Variants in SLC67A1 observed in about 807,000 individuals in gnomAD.
The protein encoded by SLC67A1 is solute carrier family 67 member 1.
the SLC67A1 span, chr11:2,922,444 G>A: frequency 1.9e-6 from 3 of 1,611,206 alleles, no homozygotes; most frequent in Non-Finnish European, 2.5e-6. Flanking sequence ...AGGCCTGGAT[G>A]TCCAGCGTCT....
At chr11:2,900,561 C>T in the SLC67A1 span, among the ~76,000 whole-genome samples, 8 of 151,752 alleles carry the variant, frequency 5.3e-5, no homozygotes, top group East Asian at 3.9e-4. Flanking sequence ...GGGGCTGTGG[C>T]GGGCGCCTGT....
chr11:2,904,362 C>T, the SLC67A1 span, among the ~76,000 whole-genome samples: 85 of 152,348 alleles, frequency 5.6e-4, no homozygotes, highest in Non-Finnish European at 9.3e-4. Flanking sequence ...AGGCTCCCAG[C>T]CCGAGGGTGA....
At chr11:2,911,971 C>T in the SLC67A1 span, among the ~76,000 whole-genome samples, 8 of 152,238 alleles carry the variant, frequency 5.3e-5, no homozygotes, top group Admixed American at 2.6e-4. Flanking sequence ...ATCTGAGGCG[C>T]TTTACAATCT....
At chr11:2,912,632 G>T in the SLC67A1 span, among the ~76,000 whole-genome samples, 295 of 152,270 alleles carry the variant, frequency 1.9e-3, no homozygotes, top group Non-Finnish European at 3.5e-3. Flanking sequence ...CACAGGCTGC[G>T]GGGGCGGGCA....
chr11:2,922,127 A>G, the SLC67A1 span: 3 of 1,613,160 alleles, frequency 1.9e-6, no homozygotes, highest in Non-Finnish European at 1.7e-6. Context: ...GTCATCGGGC[A>G]GCTGAGCAGC....
At chr11:2,916,468 T>A in the SLC67A1 span, 12 of 633,996 alleles carry the variant, frequency 1.9e-5, no homozygotes, top group East Asian at 3.2e-4. Flanking sequence ...GCTCTGAGGG[T>A]CCCAGTCCCC....
the SLC67A1 span, chr11:2,899,804 GT>G: frequency 7.7e-7 from 1 of 1,300,800 alleles, no homozygotes; most frequent in Non-Finnish European, 1.0e-6. Context: ...GAGGAAGACA[GT>G]GGTAAGTTTC....
chr11:2,911,025 C>A, the SLC67A1 span, among the ~76,000 whole-genome samples: 1 of 152,112 alleles, frequency 6.6e-6, no homozygotes, highest in Admixed American at 6.5e-5. Context: ...TCCTGGGAGC[C>A]AAGGGCCACT....
At chr11:2,905,867 G>C in the SLC67A1 span, among the ~76,000 whole-genome samples, 24 of 152,210 alleles carry the variant, frequency 1.6e-4, no homozygotes, top group Non-Finnish European at 3.2e-4. Context: ...CAGAGAAACG[G>C]GGAGAGAGGA....
the SLC67A1 span, chr11:2,922,206 G>A: frequency 3.2e-5 from 52 of 1,611,886 alleles, no homozygotes; most frequent in South Asian, 5.6e-4. Context: ...TGGCCATGGT[G>A]AGGGCTCCCC....
chr11:2,909,438 T>G, the SLC67A1 span: 4 of 1,321,020 alleles, frequency 3.0e-6, no homozygotes, highest in African/African-American at 1.6e-5. Flanking sequence ...CAGGGAGGTC[T>G]GCGTGCGCGC....
chr11:2,907,709 C>T, the SLC67A1 span, among the ~76,000 whole-genome samples: 3 of 152,000 alleles, frequency 2.0e-5, no homozygotes, highest in African/African-American at 4.8e-5. The surrounding 1 kb of genome is among the most constrained non-coding windows in gnomAD (Gnocchi z 6.7). Flanking sequence ...TGCAGGGGGA[C>T]CAAATCACAG....
At chr11:2,913,418 G>C in the SLC67A1 span, among the ~76,000 whole-genome samples, 2 of 152,174 alleles carry the variant, frequency 1.3e-5, no homozygotes, top group Non-Finnish European at 2.9e-5. Context: ...GGGCAGGAGG[G>C]AGCTTGTGGT....
At chr11:2,899,982 C>T in the SLC67A1 span, among the ~76,000 whole-genome samples, 6 of 152,192 alleles carry the variant, frequency 3.9e-5, no homozygotes, top group Non-Finnish European at 8.8e-5. Flanking sequence ...CTCACACCTG[C>T]CCCATTGAGT....
chr11:2,903,426 G>A, the SLC67A1 span: 5 of 1,613,036 alleles, frequency 3.1e-6, no homozygotes, highest in African/African-American at 5.3e-5. Context: ...CGGTCATCTT[G>A]CTTACCTACG....
chr11:2,922,414 C>T, the SLC67A1 span: 374 of 1,605,510 alleles, frequency 2.3e-4, 3 homozygotes, highest in East Asian at 7.5e-3. Flanking sequence ...CCACTCAGCT[C>T]GGCCCCCGCC....
the SLC67A1 span, among the ~76,000 whole-genome samples, chr11:2,910,306 A>G: frequency 6.6e-6 from 1 of 152,184 alleles, no homozygotes; most frequent in Non-Finnish European, 1.5e-5. Context: ...AGCGGCAGAC[A>G]ACACAGGCTG....
At chr11:2,924,967 C>T in the SLC67A1 span, 1 of 1,551,062 alleles carries the variant, frequency 6.4e-7, no homozygotes, top group Non-Finnish European at 8.7e-7. The surrounding 1 kb of genome is among the most constrained non-coding windows in gnomAD (Gnocchi z 8.6). Flanking sequence ...GCAGTTGGCC[C>T]AGGGAGCTGC....
the SLC67A1 span, chr11:2,903,876 G>A: frequency 4.9e-6 from 1 of 203,020 alleles, no homozygotes; most frequent in African/African-American, 2.3e-5. Context: ...CCCTCAGAGA[G>A]GCTCTCCTTG....
Sources: allele counts gnomAD v4.1 joint callset (sites outside exome capture counted in the v4.1 genomes callset), GRCh38; gene constraint gnomAD v4.1.1; non-coding constraint Gnocchi (gnomAD v3.1); transcripts MANE v1.5; gene names NCBI Gene and HGNC (gene_info 2026-07-23, HGNC 2026-07-21).